Variants in TMTC2 observed in about 807,000 individuals in gnomAD.
The protein encoded by TMTC2 is protein O-mannosyl-transferase TMTC2.
Under a neutral mutation model 82.4 loss-of-function variants are expected in TMTC2, and 43 were observed. That is an observed-to-expected ratio of 0.52 (90% CI 0.41 to 0.67). TMTC2 has a LOEUF of 0.67. TMTC2 is among the 30% of genes least tolerant of loss of function. The pLI is 0.00. For missense variants in TMTC2, 919 were observed against 1,012.4 expected (o/e 0.91, Z 1.25); for synonymous variants, 408 against 381.9 (o/e 1.07, Z -0.80).
intron 3 of TMTC2, among the ~76,000 whole-genome samples, chr12:82,926,242 G>A (rs991165741): frequency 3.3e-5 from 5 of 152,164 alleles, no homozygotes; most frequent in African/African-American, 1.2e-4. Context: ...GCCTCCCAAA[G>A]TGCTGGGATT....
chr12:82,907,473 C>CA (rs554890834), intron 3 of TMTC2, among the ~76,000 whole-genome samples: 10,404 of 131,644 alleles, frequency 0.079, 459 homozygotes, highest in Non-Finnish European at 0.11. Flanking sequence ...AACTCCATCT[C>CA]AAAAAAAAAA....
chr12:83,081,215 G>C (rs1406862838), intron 11 of TMTC2, among the ~76,000 whole-genome samples: 1 of 152,118 alleles, frequency 6.6e-6, no homozygotes, highest in East Asian at 1.9e-4. Context: ...AGACTATTTA[G>C]GAACTTCAAG....
At chr12:82,926,722 T>C (rs1050651722) in intron 3 of TMTC2, among the ~76,000 whole-genome samples, 3 of 152,158 alleles carry the variant, frequency 2.0e-5, no homozygotes, top group Non-Finnish European at 4.4e-5. Flanking sequence ...ATACAACTGG[T>C]AACCTTCAGT....
chr12:83,062,105 C>T (rs1307023107), intron 11 of TMTC2, among the ~76,000 whole-genome samples: 2 of 151,620 alleles, frequency 1.3e-5, no homozygotes, highest in Non-Finnish European at 3.0e-5. Context: ...ACTTGAACAC[C>T]GGCTTTGGCA....
At chr12:82,950,340 G>A (rs925443040) in intron 4 of TMTC2, among the ~76,000 whole-genome samples, 1 of 152,054 alleles carries the variant, frequency 6.6e-6, no homozygotes, top group Admixed American at 6.5e-5. Flanking sequence ...TTTTAAACTA[G>A]GAAAATATAT....
At chr12:82,722,329 C>T (rs374906339) in intron 1 of TMTC2, among the ~76,000 whole-genome samples, 26 of 145,638 alleles carry the variant, frequency 1.8e-4, no homozygotes, top group African/African-American at 5.1e-4. Context: ...CCAAGGTGGG[C>T]GGGTCATGAG....
chr12:82,911,811 T>C (rs1874679985), intron 3 of TMTC2, among the ~76,000 whole-genome samples: 2 of 152,088 alleles, frequency 1.3e-5, no homozygotes, highest in Admixed American at 1.3e-4. Flanking sequence ...GGTTTTGCCA[T>C]GTTTGCTAGG....
At chr12:83,111,480 G>A (rs1884597537) in intron 11 of TMTC2, among the ~76,000 whole-genome samples, 1 of 152,160 alleles carries the variant, frequency 6.6e-6, no homozygotes, top group East Asian at 1.9e-4. Flanking sequence ...GTGTTATGAT[G>A]TATTCTTCTT....
intron 2 of TMTC2, among the ~76,000 whole-genome samples, chr12:82,868,553 G>C (rs2733622): frequency 0.24 from 36,234 of 151,660 alleles, 10,402 homozygotes; most frequent in African/African-American, 0.69. Flanking sequence ...GGTGCTGTTA[G>C]TTATATATCT....
At chr12:83,086,810 A>G (rs1011017262) in intron 11 of TMTC2, among the ~76,000 whole-genome samples, 26 of 152,256 alleles carry the variant, frequency 1.7e-4, no homozygotes, top group Non-Finnish European at 2.8e-4. Context: ...GCTAACGGTC[A>G]TCTGAGCTTT....
At chr12:83,057,921 A>G (rs7314554) in intron 10 of TMTC2, among the ~76,000 whole-genome samples, 57,318 of 151,686 alleles carry the variant, frequency 0.38, 11,228 homozygotes, top group African/African-American at 0.5. Context: ...GAAATTTTAA[A>G]TTTAGCAGTT....
intron 4 of TMTC2, among the ~76,000 whole-genome samples, chr12:82,943,673 G>C (rs534768548): frequency 6.6e-6 from 1 of 152,134 alleles, no homozygotes; most frequent in Non-Finnish European, 1.5e-5. Flanking sequence ...ACATAATTCT[G>C]AGAAAGAATG....
intron 11 of TMTC2, among the ~76,000 whole-genome samples, chr12:83,107,773 C>CG (rs1344770517): frequency 6.6e-6 from 1 of 151,402 alleles, no homozygotes; most frequent in Non-Finnish European, 1.5e-5. Context: ...TCCTTATGAC[C>CG]CCCCGTGCCC....
chr12:82,770,390 A>G (rs1877225082), intron 1 of TMTC2, among the ~76,000 whole-genome samples: 1 of 152,172 alleles, frequency 6.6e-6, no homozygotes, highest in Non-Finnish European at 1.5e-5. Context: ...GAAAATTAGA[A>G]GAACTGAGCA....
At chr12:82,809,564 T>C (rs1260883369) in intron 1 of TMTC2, among the ~76,000 whole-genome samples, 1 of 152,162 alleles carries the variant, frequency 6.6e-6, no homozygotes, top group African/African-American at 2.4e-5. Context: ...TATAAGTATG[T>C]CTACAAATTG....
chr12:82,741,503 G>C (rs766787211), intron 1 of TMTC2, among the ~76,000 whole-genome samples: 6 of 152,242 alleles, frequency 3.9e-5, no homozygotes, highest in Non-Finnish European at 8.8e-5. Flanking sequence ...TAGAGATGGG[G>C]TTTTACCATG....
intron 1 of TMTC2, among the ~76,000 whole-genome samples, chr12:82,730,992 C>A (rs975913600): frequency 6.6e-6 from 1 of 152,324 alleles, no homozygotes; most frequent in Non-Finnish European, 1.5e-5. Flanking sequence ...TGTGGAAAAG[C>A]AGACATCTTC....
chr12:82,867,107 C>T (rs1305591436), intron 2 of TMTC2, among the ~76,000 whole-genome samples: 2 of 152,166 alleles, frequency 1.3e-5, no homozygotes, highest in Non-Finnish European at 2.9e-5. Flanking sequence ...TGCCCTTGTT[C>T]TCTGGGTTTG....
intron 11 of TMTC2, among the ~76,000 whole-genome samples, chr12:83,086,713 C>A (rs1466589414): frequency 6.6e-6 from 1 of 152,112 alleles, no homozygotes. Context: ...TTATACCATA[C>A]AGTCATCTAT....
Sources: allele counts gnomAD v4.1 joint callset (sites outside exome capture counted in the v4.1 genomes callset), GRCh38; gene constraint gnomAD v4.1.1; transcripts MANE v1.5; gene names NCBI Gene and HGNC (gene_info 2026-07-23, HGNC 2026-07-21).